The following SYNJ2 variants were observed in gnomAD, a reference collection of about 807,000 sequenced individuals.
The protein encoded by SYNJ2 is synaptojanin 2.
Under a neutral mutation model 141.3 loss-of-function variants are expected in SYNJ2, and 116 were observed. The observed-to-expected ratio is 0.82, with a 90% confidence interval of 0.71 to 0.96. The LOEUF is 0.96. Among genes scored for constraint, SYNJ2 ranks in the 40% least tolerant of loss-of-function variants. The pLI, the probability that SYNJ2 is intolerant of heterozygous loss-of-function variation, is 0.00. For missense variants in SYNJ2, 1,873 were observed against 1,934.8 expected (o/e 0.97, Z 0.60); for synonymous variants, 745 against 777.7 (o/e 0.96, Z 0.70).
intron 25 of SYNJ2, among the ~76,000 whole-genome samples, chr6:158,090,401 T>TA (rs1285889163): frequency 2.0e-5 from 3 of 152,232 alleles, no homozygotes; most frequent in African/African-American, 7.2e-5. Flanking sequence ...TTGTTGCTGT[T>TA]ACTTAAACCA....
Position 158,097,278 on chromosome 6 carries a change from G to A in SYNJ2, c.*914G>A, listed in dbSNP as rs1380973387. On this transcript the variant is annotated 3_prime_UTR_variant, in exon 27 of 27. Transcript: ENST00000355585. ...GAGAGTGTTTCAGCCTCGTCTGTCC[G>A]GCTGGAGCTTCGGGATGGAAAGTGC... 6.6e-6 allele frequency: 1 copy of A among 152,164 alleles called. No homozygotes were observed. The highest frequency in any genetic ancestry group is 1.5e-5 in the Non-Finnish European group (1 of 68,042). 9.4% of individuals were successfully genotyped at this position (152,164 alleles called of 1,614,324 possible).
intron 5 of SYNJ2, among the ~76,000 whole-genome samples, chr6:158,053,330 C>T (rs1780671792): frequency 1.3e-5 from 2 of 152,180 alleles, no homozygotes. Flanking sequence ...CACTTTGAGA[C>T]CATGCTGGTA....
chr6:158,076,416 A>C (rs1052457215), intron 16 of SYNJ2, among the ~76,000 whole-genome samples: 4 of 152,122 alleles, frequency 2.6e-5, no homozygotes, highest in Non-Finnish European at 4.4e-5. Flanking sequence ...GATAGATACG[A>C]GGGCGGTGTG....
chr6:158,018,710 A>G (rs148823940), intron 2 of SYNJ2, among the ~76,000 whole-genome samples: 81 of 152,318 alleles, frequency 5.3e-4, no homozygotes, highest in Non-Finnish European at 9.6e-4. Context: ...TCACTTATTT[A>G]ATCCTAAAAA....
Position 158,098,898 on chromosome 6 carries a change from T to G in SYNJ2, c.*2534T>G, listed in dbSNP as rs956478059. 6.6e-6 allele frequency: 1 copy of G among 152,224 alleles called. No homozygotes were observed. The highest frequency in any genetic ancestry group is 6.5e-5 in the Admixed American group (1 of 15,288). 9.4% of individuals were successfully genotyped at this position (152,224 alleles called of 1,614,324 possible). A position where few individuals can be genotyped will look rare whatever the true frequency, so the allele number is the denominator to read the frequency against. On this transcript the variant is annotated 3_prime_UTR_variant, in exon 27 of 27. Coordinates refer to ENST00000355585, the MANE Select transcript of SYNJ2 (RefSeq NM_003898.4). ...GCCTATTCTTAAAATATGTTTTGGTTAATGATTGAATTAGGACATCAGCTT... is the reference window on the plus strand; with the variant it reads ...GCCTATTCTTAAAATATGTTTTGGTGAATGATTGAATTAGGACATCAGCTT...
chr6:158,069,212 C>T (rs1781757906), intron 13 of SYNJ2, among the ~76,000 whole-genome samples: 1 of 152,042 alleles, frequency 6.6e-6, no homozygotes, highest in Non-Finnish European at 1.5e-5. Flanking sequence ...GGGCGCTCCC[C>T]CCACCCCCTG....
At chr6:158,026,073 A>G (rs1221661080) in intron 2 of SYNJ2, among the ~76,000 whole-genome samples, 1 of 152,216 alleles carries the variant, frequency 6.6e-6, no homozygotes, top group Non-Finnish European at 1.5e-5. Context: ...TAGATGGAGC[A>G]TGGGCTTAAA....
In SYNJ2 at chr6:158,098,911, A is replaced by G. The variant is rs1297511432; in HGVS notation, c.*2547A>G. ...ATATGTTTTGGTTAATGATTGAATT[A>G]GGACATCAGCTTAAGCAATTCCTGT... On this transcript the variant is annotated 3_prime_UTR_variant, in exon 27 of 27. Coordinates refer to ENST00000355585, the MANE Select transcript of SYNJ2 (RefSeq NM_003898.4). 1 of 152,272 alleles carries G rather than the reference A, an allele frequency of 6.6e-6. No individual in the cohort carries two copies. The highest frequency in any genetic ancestry group is 1.5e-5 in the Non-Finnish European group (1 of 68,054). 9.4% of individuals were successfully genotyped at this position (152,272 alleles called of 1,614,324 possible).
chr6:157,990,684 C>T (rs1027764544), intron 1 of SYNJ2, among the ~76,000 whole-genome samples: 7 of 152,220 alleles, frequency 4.6e-5, no homozygotes, highest in African/African-American at 9.6e-5. Flanking sequence ...AAGGTGAGCA[C>T]GGGCTCCCGT....
chr6:158,087,416 G>A (rs1205870126), intron 23 of SYNJ2, among the ~76,000 whole-genome samples: 2 of 152,166 alleles, frequency 1.3e-5, no homozygotes, highest in Non-Finnish European at 2.9e-5. Flanking sequence ...ACCCCTCTGC[G>A]CTCCGAGGCC....
intron 5 of SYNJ2, among the ~76,000 whole-genome samples, chr6:158,050,435 C>T (rs1293660564): frequency 6.6e-6 from 1 of 152,252 alleles, no homozygotes; most frequent in Non-Finnish European, 1.5e-5. Context: ...GGGGGTGGTG[C>T]TCCCGACTGA....
chr6:158,040,087 G>T lies in SYNJ2; in HGVS notation c.712-3229G>T, dbSNP rs944100076. On this transcript the variant is annotated intron_variant, in intron 4 of 26. Transcript: ENST00000355585. This position sits in a 1 kb window ranked among gnomAD's most constrained non-coding sequence, Gnocchi z 4.2. ...GAAGCCAGAAAAGGGGGACCCTGTG[G>T]CACCCTCTGCTTTTGCTTTGGTTTA... 3.9e-5 allele frequency among the ~76,000 whole-genome samples: 6 copies of T among 152,212 alleles called. No individual in the cohort carries two copies. The highest frequency in any genetic ancestry group is 1.9e-4 in the East Asian group (1 of 5,204).
chr6:158,048,430 A>G (rs565802366), intron 5 of SYNJ2, among the ~76,000 whole-genome samples: 2 of 152,256 alleles, frequency 1.3e-5, no homozygotes, highest in Admixed American at 1.3e-4. Context: ...GAGGAGAGAT[A>G]GGAGAGGTGA....
intron 25 of SYNJ2, 55 bp downstream of exon 25, chr6:158,090,002 C>G (rs1266894798): frequency 3.9e-6 from 5 of 1,296,176 alleles, no homozygotes; most frequent in Non-Finnish European, 5.6e-6. Context: ...CTTTTTATCT[C>G]CCTGCTAAAA....
At chr6:158,086,821 G>A (rs746599343) in intron 22 of SYNJ2, 34 bp from the exon 23 acceptor site, 2 of 1,608,418 alleles carry the variant, frequency 1.2e-6, no homozygotes, top group Non-Finnish European at 8.5e-7. Context: ...GTGTGGAACA[G>A]ACCATTGTAC....
chr6:158,019,587 G>A (rs1382114982), intron 2 of SYNJ2, among the ~76,000 whole-genome samples: 2 of 152,178 alleles, frequency 1.3e-5, no homozygotes, highest in Non-Finnish European at 2.9e-5. Flanking sequence ...TGCCCTAGGC[G>A]AGGCCTCCTC....
intron 7 of SYNJ2, among the ~76,000 whole-genome samples, chr6:158,061,025 A>G (rs1376702779): frequency 6.6e-6 from 1 of 152,262 alleles, no homozygotes; most frequent in Non-Finnish European, 1.5e-5. Context: ...TGTGGAATGC[A>G]TGGCACTGAG....
In SYNJ2 at chr6:158,093,617, G is replaced by A. The variant is rs561119254; in HGVS notation, c.3744+513G>A. Among the ~76,000 whole-genome samples the A allele has an allele frequency of 2.0e-5, 3 of 152,290 alleles. No homozygotes were observed. The South Asian group carries it at 6.2e-4, about 32-fold the overall frequency. ...TGGCTCTGGCTGAGAAGAACGAGGAGTCCACTGTCTGGCACATTGTCAGTG... is the reference window on the plus strand; with the variant it reads ...TGGCTCTGGCTGAGAAGAACGAGGAATCCACTGTCTGGCACATTGTCAGTG... On this transcript the variant is annotated intron_variant, in intron 26 of 26. Coordinates refer to ENST00000355585, the MANE Select transcript of SYNJ2 (RefSeq NM_003898.4).
At chr6:157,995,043 G>T (rs1186096225) in intron 1 of SYNJ2, among the ~76,000 whole-genome samples, 3 of 152,188 alleles carry the variant, frequency 2.0e-5, no homozygotes, top group Non-Finnish European at 4.4e-5. Flanking sequence ...GCTAAAACTG[G>T]CAAAGGCCTT....
Sources: gnomAD v4.1 joint callset for allele counts (sites outside exome capture counted in the v4.1 genomes callset) on GRCh38, gnomAD v4.1.1 for gene constraint, Gnocchi (gnomAD v3.1) non-coding constraint, MANE v1.5 for transcripts, NCBI Gene and HGNC (gene_info 2026-07-23, HGNC 2026-07-21) for gene names.